Variants in SYT1 observed in about 807,000 individuals in gnomAD.
SYT1 encodes synaptotagmin 1.
A neutral mutation model predicts 44.8 loss-of-function variants in SYT1; 8 were observed. The observed-to-expected ratio is 0.18, with a 90% CI of 0.10 to 0.32. The LOEUF (loss-of-function observed/expected upper bound fraction) is 0.32. SYT1 is among the 10% of genes least tolerant of loss of function. SYT1 has a pLI of 1.00. For synonymous variants in SYT1, 154 were observed against 188.8 expected (o/e 0.82, Z 1.51); for missense variants, 286 against 509.3 (o/e 0.56, Z 4.22).
intron 2 of SYT1, among the ~76,000 whole-genome samples, chr12:79,044,114 C>T (rs988462480): frequency 7.2e-5 from 11 of 151,954 alleles, no homozygotes; most frequent in African/African-American, 2.7e-4. Context: ...CTTGGAGTTG[C>T]TCTTCTCGAG....
chr12:79,002,771 G>A (rs111947233), intron 2 of SYT1, among the ~76,000 whole-genome samples: 1,759 of 152,074 alleles, frequency 0.012, 34 homozygotes, highest in African/African-American at 0.038. Context: ...AAGGAGATGA[G>A]GAGGTAAAAT....
intron 2 of SYT1, among the ~76,000 whole-genome samples, chr12:79,011,331 ATAAT>A (rs1871392730): frequency 6.6e-6 from 1 of 152,224 alleles, no homozygotes; most frequent in Non-Finnish European, 1.5e-5. Flanking sequence ...TAGAAGAAGG[ATAAT>A]TAATCAGTTT....
intron 3 of SYT1, among the ~76,000 whole-genome samples, chr12:79,098,929 A>G (rs933835220): frequency 2.6e-5 from 4 of 152,178 alleles, no homozygotes; most frequent in African/African-American, 9.6e-5. Flanking sequence ...ATGTATGAGT[A>G]TCGACTTTTT....
intron 2 of SYT1, among the ~76,000 whole-genome samples, chr12:78,981,796 G>T (rs1027560054): frequency 2.0e-5 from 3 of 152,100 alleles, no homozygotes; most frequent in Admixed American, 6.6e-5. Flanking sequence ...TGCAAATTTT[G>T]TTACTTTTAG....
At chr12:79,388,240 A>C (rs1001880296) in intron 9 of SYT1, among the ~76,000 whole-genome samples, 2 of 152,198 alleles carry the variant, frequency 1.3e-5, no homozygotes, top group Non-Finnish European at 2.9e-5. Flanking sequence ...TAGCCTTACA[A>C]TAGTTTTCTA....
intron 3 of SYT1, among the ~76,000 whole-genome samples, chr12:79,152,494 C>T (rs1870334271): frequency 6.6e-6 from 1 of 151,912 alleles, no homozygotes; most frequent in Admixed American, 6.6e-5. Context: ...TGTTTGTTTG[C>T]CTCTATTTTC....
chr12:79,199,895 T>C (rs1873678858), intron 3 of SYT1, among the ~76,000 whole-genome samples: 1 of 152,178 alleles, frequency 6.6e-6, no homozygotes. Context: ...GATATAATTC[T>C]AGAAATGCAT....
chr12:79,447,327 G>C (rs1870792928), intron 10 of SYT1, among the ~76,000 whole-genome samples: 3 of 151,962 alleles, frequency 2.0e-5, no homozygotes. Flanking sequence ...TTATCCTGAG[G>C]TTATAAGACA....
intron 1 of SYT1, among the ~76,000 whole-genome samples, chr12:78,870,779 C>T (rs1269142283): frequency 6.6e-6 from 1 of 152,034 alleles, no homozygotes; most frequent in African/African-American, 2.4e-5. Context: ...TTGCATGTCA[C>T]TCCATGCCTA....
At chr12:79,297,797 A>C (rs907434063) in intron 7 of SYT1, among the ~76,000 whole-genome samples, 2 of 152,186 alleles carry the variant, frequency 1.3e-5, no homozygotes, top group Admixed American at 1.3e-4. Context: ...TGGAAGTATA[A>C]AAGACTTTAA....
At chr12:79,368,313 T>C (rs1412518267) in intron 9 of SYT1, among the ~76,000 whole-genome samples, 1 of 152,192 alleles carries the variant, frequency 6.6e-6, no homozygotes, top group Non-Finnish European at 1.5e-5. Flanking sequence ...GACATTTGGA[T>C]TGGTTCCAAG....
At position 79,449,358 on chromosome 12, in the gene SYT1, A is replaced by G; in HGVS notation, c.*234A>G. The stretch of plus-strand genomic sequence containing the variant: ...TTCTTTTAAGCAATATGATGTGTAG[A>G]TAGAGCATGAATGAAATTATTTATT... On this transcript the variant is annotated 3_prime_UTR_variant, in exon 11 of 11. Transcript: ENST00000261205. 1.9e-6 allele frequency: 1 copy of G among 521,080 alleles called. No individual in the cohort carries two copies. Among genetic ancestry groups the G allele is most frequent in the Non-Finnish European group, 3.4e-6 (1 of 291,060 alleles). 32.3% of individuals were successfully genotyped at this position (521,080 alleles called of 1,614,324 possible).
In SYT1 at chr12:78,931,222, A is replaced by G. The variant is rs182691814; in HGVS notation, c.-216-46577A>G. On this transcript the variant is annotated intron_variant, in intron 1 of 10. Transcript: ENST00000261205. ...AAGAAAGAAAGAAAGAAAGAAAGAAAGAAAGAAAGAAAGAAAGAAGGAAGG... is the reference window on the plus strand; with the variant it reads ...AAGAAAGAAAGAAAGAAAGAAAGAAGGAAAGAAAGAAAGAAAGAAGGAAGG... Among the ~76,000 whole-genome samples the G allele has an allele frequency of 2.9e-4, 17 of 59,064 alleles. No individual in the cohort carries two copies. The East Asian group carries it at 3.4e-3, about 12-fold the overall frequency. 38.7% of individuals were successfully genotyped at this position (59,064 alleles called of 152,430 possible). A position where few individuals can be genotyped will look rare whatever the true frequency, so the allele number is the denominator to read the frequency against.
chr12:79,316,093 C>T (rs1017905726), intron 8 of SYT1, among the ~76,000 whole-genome samples: 4 of 152,158 alleles, frequency 2.6e-5, no homozygotes, highest in East Asian at 1.9e-4. Context: ...GTCTTGACAA[C>T]GCTATACACA....
intron 3 of SYT1, among the ~76,000 whole-genome samples, chr12:79,172,034 T>G (rs142345119): frequency 6.6e-6 from 1 of 151,962 alleles, no homozygotes; most frequent in Non-Finnish European, 1.5e-5. Flanking sequence ...TTATCTCTTT[T>G]AATTATTTAT....
At chr12:79,326,011 TGGG>T (rs1881592584) in intron 8 of SYT1, among the ~76,000 whole-genome samples, 1 of 152,152 alleles carries the variant, frequency 6.6e-6, no homozygotes, top group South Asian at 2.1e-4. Context: ...TATTTATTGA[TGGG>T]GGGAAAATAT....
intron 4 of SYT1, among the ~76,000 whole-genome samples, chr12:79,219,919 G>T (rs1196285216): frequency 6.6e-6 from 1 of 151,918 alleles, no homozygotes; most frequent in Admixed American, 6.6e-5. Context: ...TCTTTGTCTG[G>T]CATTTCTATC....
At chr12:79,133,514 C>T (rs535678221) in intron 3 of SYT1, among the ~76,000 whole-genome samples, 7 of 151,936 alleles carry the variant, frequency 4.6e-5, no homozygotes, top group Non-Finnish European at 1.0e-4. Flanking sequence ...TCACCTATAC[C>T]CTGTAGATAT....
At chr12:78,877,649 C>T (rs1300687180) in intron 1 of SYT1, among the ~76,000 whole-genome samples, 1 of 148,786 alleles carries the variant, frequency 6.7e-6, no homozygotes, top group East Asian at 2.0e-4. Context: ...ATATTACAAT[C>T]TAACAATGTA....
Sources: gnomAD v4.1 joint callset for allele counts (sites outside exome capture counted in the v4.1 genomes callset) on GRCh38, gnomAD v4.1.1 for gene constraint, MANE v1.5 for transcripts, NCBI Gene and HGNC (gene_info 2026-07-23, HGNC 2026-07-21) for gene names.